The following SYCE1 variants were observed in gnomAD, a reference collection of about 807,000 sequenced individuals.
SYCE1 encodes the protein cancer/testis antigen 76.
SYCE1 carries 37 observed loss-of-function variants against 55.1 expected under a neutral mutation model. That is an observed-to-expected ratio of 0.67 (90% CI 0.52 to 0.88). The LOEUF is 0.88. SYCE1 is among the 40% of genes least tolerant of loss of function. The probability of loss-of-function intolerance (pLI) is 0.00; values close to 1 mark genes in which losing one functional copy is unlikely to be tolerated. For missense variants in SYCE1, 399 were observed against 416.4 expected, an observed-to-expected ratio of 0.96 and a Z score of 0.36; for synonymous variants, 163 against 159.4, an observed-to-expected ratio of 1.02 and a Z score of -0.17.
At chr10:133,568,131 C>T (rs193082128), upstream of SYCE1, 13 of 814,938 alleles carry the variant, frequency 1.6e-5, no homozygotes, top group South Asian at 1.8e-4. Flanking sequence ...AGGGCGCCAC[C>T]CAGCCCGACA....
chr10:133,561,359 A>G (rs1263203161), intron 1 of SYCE1: 1 of 152,174 alleles, frequency 6.6e-6, no homozygotes, highest in African/African-American at 2.4e-5. Flanking sequence ...CTAATATGAC[A>G]AGTTGCTGAG....
chr10:133,567,518 G>A (rs1464210556), upstream of SYCE1, among the ~76,000 whole-genome samples: 2 of 152,074 alleles, frequency 1.3e-5, no homozygotes, highest in South Asian at 2.1e-4. Context: ...GAATGTTCCT[G>A]GGCTGTGAGA....
At chr10:133,555,291 C>T in intron 12 of SYCE1, 60 bp downstream of exon 12, 3 of 1,607,596 alleles carry the variant, frequency 1.9e-6, no homozygotes, top group Non-Finnish European at 2.6e-6. Flanking sequence ...GTCCTCCCGC[C>T]CCTTCCGCTG....
At position 133,565,525 on chromosome 10, in the gene SYCE1, G is replaced by C. The variant is rs868710053; in HGVS notation, c.5C>G (p.Ala2Gly). ...GGCCTTCGATGTCAGGGACCTCCCC[G>C]CCATTTCCTCTCAGCTCGCCAGCGA... M[A>G]GRSLTSKAEP... is the part of the protein sequence containing the mutation. The change falls in exon 1 of 13, where the codon GCG becomes GGG. Residue 2 changes from alanine to glycine, a missense_variant. By Grantham distance (60) the Ala-to-Gly change is moderately conservative. Coordinates refer to ENST00000343131, the MANE Select transcript of SYCE1 (RefSeq NM_001143764.3). 3.9e-6 allele frequency: 6 copies of C among 1,549,548 alleles called. No homozygotes were observed. The African/African-American group carries it at 8.2e-5, about 21-fold the overall frequency.
At chr10:133,558,984 T>G in intron 3 of SYCE1, 33 bp from the exon 4 acceptor site, 1 of 1,592,130 alleles carries the variant, frequency 6.3e-7, no homozygotes, top group Non-Finnish European at 8.6e-7. Context: ...ATTGTGTGAG[T>G]GCAGCCTCTA....
At chr10:133,566,996 G>A (rs1851958520), upstream of SYCE1, among the ~76,000 whole-genome samples, 1 of 151,772 alleles carries the variant, frequency 6.6e-6, no homozygotes, top group African/African-American at 2.4e-5. Context: ...AGCGTTGTGT[G>A]TTAGGATTTG....
intron 4 of SYCE1, 175 bp from the exon 5 acceptor site, chr10:133,558,389 G>A (rs956513329): frequency 2.9e-6 from 2 of 687,228 alleles, no homozygotes; most frequent in Admixed American, 4.8e-5. Flanking sequence ...AAGCACCAAA[G>A]GGCCTTCACA....
At chr10:133,561,774 GTTTC>G (rs1851820294) in intron 1 of SYCE1, among the ~76,000 whole-genome samples, 16 of 151,760 alleles carry the variant, frequency 1.1e-4, no homozygotes, top group African/African-American at 3.1e-4. Flanking sequence ...TTTTGTTGTT[GTTTC>G]TTTCTGTTTT....
At chr10:133,554,188 C>A, downstream of SYCE1, 2 of 1,029,514 alleles carry the variant, frequency 1.9e-6, no homozygotes, top group Middle Eastern at 2.1e-4. Flanking sequence ...TGATTAACTG[C>A]ATCTTAGAGA....
In SYCE1 at chr10:133,554,953, G is replaced by C; in HGVS notation, c.*39C>G. ...TCAGTCACAGGAGACTGGGGATCTT[G>C]GGCCTGACCCCTACTCCTCACCAGT... On this transcript the variant is annotated 3_prime_UTR_variant, in exon 13 of 13. Coordinates refer to ENST00000343131, the MANE Select transcript of SYCE1 (RefSeq NM_001143764.3). 6.7e-7 allele frequency: 1 copy of C among 1,497,300 alleles called. No individual in the cohort carries two copies. The allele number at this position is 1,497,300 out of a possible 1,614,324, so 92.8% of individuals were successfully genotyped here.
intron 3 of SYCE1, 35 bp from the exon 4 acceptor site, chr10:133,558,986 C>T (rs764289199): frequency 1.2e-5 from 19 of 1,588,302 alleles, no homozygotes; most frequent in Non-Finnish European, 1.6e-5. Context: ...TGTGTGAGTG[C>T]AGCCTCTATT....
chr10:133,557,447 T>C lies in SYCE1; in HGVS notation c.375-291A>G, dbSNP rs754035258. 413 of 501,496 alleles carry C rather than the reference T, an allele frequency of 8.2e-4. 7 individuals carry two copies. The highest frequency in any genetic ancestry group is 2.6e-3 in the Middle Eastern group (5 of 1,916). 31.1% of individuals were successfully genotyped at this position (501,496 alleles called of 1,614,324 possible). The stretch of plus-strand genomic sequence containing the variant: ...TCAGTGTGCCAGGGCCTGGGGCCTC[T>C]GGTAACAAATGAGCTAAATCAGGAG... On this transcript the variant is annotated intron_variant, in intron 6 of 12. Transcript: ENST00000343131.
intron 4 of SYCE1, chr10:133,558,514 A>C: frequency 1.9e-6 from 1 of 540,506 alleles, no homozygotes. Context: ...AACACATCAA[A>C]TAGGATGGGG....
chr10:133,568,250 G>C (rs1195058504), upstream of SYCE1: 1 of 1,419,334 alleles, frequency 7.0e-7, no homozygotes, highest in African/African-American at 1.4e-5. Context: ...TCGTCCTCCA[G>C]GCCGCGTTCC....
chr10:133,554,129 T>C (rs1195695703), downstream of SYCE1: 3 of 546,966 alleles, frequency 5.5e-6, no homozygotes, highest in Admixed American at 3.3e-5. Context: ...TTCCACTTGA[T>C]TTAAAAGTCA....
chr10:133,557,663 A>G (rs1013569401), intron 6 of SYCE1: 47 of 613,348 alleles, frequency 7.7e-5, no homozygotes, highest in Non-Finnish European at 9.4e-5. Flanking sequence ...CAATTTAGCA[A>G]ATGAATGTCT....
At chr10:133,558,639 T>C in intron 4 of SYCE1, 1 of 553,608 alleles carries the variant, frequency 1.8e-6, no homozygotes, top group Non-Finnish European at 3.2e-6. Context: ...AAGAGGAACC[T>C]GTATTATCTG....
Position 133,554,902 on chromosome 10 carries a change from G to T in SYCE1, c.*90C>A. The T allele has an allele frequency of 6.8e-7, 1 of 1,465,336 alleles. No individual in the cohort carries two copies. Among genetic ancestry groups the T allele is most frequent in the Non-Finnish European group, 9.0e-7 (1 of 1,107,972 alleles). The allele number at this position is 1,465,336 out of a possible 1,614,324, so 90.8% of individuals were successfully genotyped here. A position where few individuals can be genotyped will look rare whatever the true frequency, so the allele number is the denominator to read the frequency against. On this transcript the variant is annotated 3_prime_UTR_variant, in exon 13 of 13. Transcript: ENST00000343131. ...GTGATGTACCTCTGGCCCAGACCAA[G>T]AGGCAGAGTCAAGCCAAGGCTTCAA...
At chr10:133,554,441 G>C (rs2133611126), downstream of SYCE1, 3 of 957,426 alleles carry the variant, frequency 3.1e-6, no homozygotes, top group East Asian at 7.2e-5. Flanking sequence ...CAGTGAATTT[G>C]AAACATGTAT....
Sources: allele counts gnomAD v4.1 joint callset (sites outside exome capture counted in the v4.1 genomes callset), GRCh38; gene constraint gnomAD v4.1.1; transcripts MANE v1.5; gene names NCBI Gene and HGNC (gene_info 2026-07-23, HGNC 2026-07-21).